Variants in CDON observed in about 807,000 individuals in gnomAD.
The protein encoded by CDON is cell adhesion molecule-related/down-regulated by oncogenes.
Under a neutral mutation model 120.9 loss-of-function variants are expected in CDON, and 73 were observed. That is an observed-to-expected ratio of 0.60 (90% CI 0.50 to 0.73). CDON has a LOEUF of 0.73. Ranked by LOEUF, CDON falls within the 30% of genes least tolerant of loss-of-function variation. The pLI, the probability that CDON is intolerant of heterozygous loss-of-function variation, is 0.00. For synonymous variants in CDON, 566 were observed against 573.5 expected (o/e 0.99, Z 0.19); for missense variants, 1,470 against 1,587.3 (o/e 0.93, Z 1.26).
chr11:126,007,858 C>T (rs7951246), intron 8 of CDON, among the ~76,000 whole-genome samples: 280 of 152,244 alleles, frequency 1.8e-3, no homozygotes, highest in African/African-American at 6.5e-3. Context: ...CCAGTACTTC[C>T]CCGGTGTTTT....
chr11:126,010,503 TTGATAACTG>T lies in CDON; in HGVS notation c.1381_1389del (p.Gln461_Ser463del), dbSNP rs1296263080. On this transcript the variant is annotated inframe_deletion, in exon 8 of 20. Transcript: ENST00000531738. The stretch of plus-strand genomic sequence containing the variant: ...GGCTCCAGGTTCAAGCCCTCAGGTC[TTGATAACTG>T]TGATTTTCGGGATTTCGATCTCAGG... 6.2e-7 allele frequency: 1 copy of T among 1,614,034 alleles called. No individual in the cohort carries two copies. The highest frequency in any genetic ancestry group is 1.3e-5 in the African/African-American group (1 of 74,922).
chr11:126,047,736 G>A (rs934332589), intron 1 of CDON, among the ~76,000 whole-genome samples: 5 of 152,154 alleles, frequency 3.3e-5, no homozygotes, highest in African/African-American at 7.2e-5. Flanking sequence ...ATATGGTGGA[G>A]CCTGGCTTTG....
intron 1 of CDON, among the ~76,000 whole-genome samples, chr11:126,035,258 A>T (rs1948064287): frequency 6.6e-6 from 1 of 152,228 alleles, no homozygotes; most frequent in Non-Finnish European, 1.5e-5. Flanking sequence ...TAAGAAAAAA[A>T]CAAATCTTGG....
chr11:125,999,418 T>C (rs530173773), intron 11 of CDON, among the ~76,000 whole-genome samples: 1 of 152,362 alleles, frequency 6.6e-6, no homozygotes, highest in African/African-American at 2.4e-5. Flanking sequence ...CTCCACTTTC[T>C]GGACGATCTG....
chr11:125,989,368 T>C (rs897857120), intron 15 of CDON, among the ~76,000 whole-genome samples: 11 of 152,148 alleles, frequency 7.2e-5, no homozygotes, highest in Admixed American at 3.3e-4. Context: ...AAACCCCATC[T>C]CTACTAAAAT....
intron 15 of CDON, 81 bp from the exon 16 acceptor site, chr11:125,984,174 G>A (rs1591565555): frequency 1.0e-6 from 1 of 973,058 alleles, no homozygotes; most frequent in Admixed American, 1.9e-5. Flanking sequence ...AGGAGGTCTG[G>A]TTAGGAATGC....
chr11:125,986,218 G>A (rs1272237816), intron 15 of CDON, among the ~76,000 whole-genome samples: 1 of 152,098 alleles, frequency 6.6e-6, no homozygotes, highest in Admixed American at 6.5e-5. Context: ...AACACTGCAT[G>A]TTCTCACTCA....
At chr11:125,996,072 T>G (rs546087528) in intron 12 of CDON, among the ~76,000 whole-genome samples, 1 of 151,924 alleles carries the variant, frequency 6.6e-6, no homozygotes, top group African/African-American at 2.4e-5. Context: ...CACTAAGCAC[T>G]GAGTATTACA....
intron 18 of CDON, among the ~76,000 whole-genome samples, chr11:125,971,105 G>A (rs983443586): frequency 3.9e-5 from 6 of 152,080 alleles, no homozygotes; most frequent in Admixed American, 6.5e-5. Flanking sequence ...GATAATTAAC[G>A]TTCTCCGGTG....
At chr11:125,995,203 A>G in intron 12 of CDON, 151 bp from the exon 13 acceptor site, 1 of 728,542 alleles carries the variant, frequency 1.4e-6, no homozygotes, top group South Asian at 1.6e-5. Context: ...TGTATGGTAA[A>G]TAGATTTCAA....
Position 126,023,396 on chromosome 11 carries a change from C to T in CDON, c.76+5G>A. On this transcript the variant is annotated splice_donor_5th_base_variant and intron_variant, in intron 2 of 19. Coordinates refer to ENST00000531738, the MANE Select transcript of CDON (RefSeq NM_001378964.1). Reference sequence around the variant, plus strand: ...AAACCACCCCCTCCCCAATTCTACTCTTACCTGAACTCACAGAAGAGCACA... The same window carrying T: ...AAACCACCCCCTCCCCAATTCTACTTTTACCTGAACTCACAGAAGAGCACA... 6.3e-7 allele frequency: 1 copy of T among 1,596,732 alleles called. No individual in the cohort carries two copies. The highest frequency in any genetic ancestry group is 1.1e-5 in the South Asian group (1 of 90,722).
intron 11 of CDON, 82 bp from the exon 12 acceptor site, chr11:125,997,492 A>G (rs1946823835): frequency 9.3e-7 from 1 of 1,072,434 alleles, no homozygotes; most frequent in Admixed American, 2.0e-5. Flanking sequence ...ATAAGTCCCA[A>G]ACTTCATGTT....
chr11:125,981,604 G>C (rs1335287974), intron 16 of CDON, among the ~76,000 whole-genome samples: 1 of 152,166 alleles, frequency 6.6e-6, no homozygotes, highest in East Asian at 1.9e-4. Flanking sequence ...ATTTTCCATA[G>C]AGTGTAGAGA....
chr11:125,997,330 C>T lies in CDON; in HGVS notation c.2239G>A (p.Gly747Arg), dbSNP rs745363657. 2.5e-5 allele frequency: 40 copies of T among 1,613,878 alleles called. No individual in the cohort carries two copies. In the East Asian group the frequency reaches 5.8e-4, roughly 23 times the overall value. ...TTGAAGGCAGTGATTGGAGAACCCC[C>T]GTTTGCCCGAGGAATCCAAGTGACA... ...VYVTWIPRAN[G>R]GSPITAFKVE... The change falls in exon 12 of 20, where the codon GGG becomes AGG. Residue 747 changes from glycine to arginine, a missense_variant. Gly to Arg is a moderately radical substitution (Grantham distance 125). Coordinates refer to ENST00000531738, the MANE Select transcript of CDON (RefSeq NM_001378964.1).
At chr11:126,051,538 A>C (rs1202744671) in intron 1 of CDON, among the ~76,000 whole-genome samples, 3 of 152,188 alleles carry the variant, frequency 2.0e-5, no homozygotes, top group Non-Finnish European at 4.4e-5. Flanking sequence ...TATTGATATG[A>C]AATCTCTGCA....
chr11:126,021,435 A>G lies in CDON; in HGVS notation c.162T>C (p.Pro54=). 6.2e-7 allele frequency: 1 copy of G among 1,614,124 alleles called. No individual in the cohort carries two copies. The highest frequency in any genetic ancestry group is 8.5e-7 in the Non-Finnish European group (1 of 1,179,974). Residue 54 remains proline (P), a synonymous_variant, in exon 3 of 20, where the codon CCT becomes CCC. Coordinates refer to ENST00000531738, the MANE Select transcript of CDON (RefSeq NM_001378964.1). ...GCAGCCATGAGATACGAGTGGTCAC[A>G]GGTTGAGCAGAACAATGCAGTACTA... The part of the protein sequence containing the change: ...GPVVLHCSAQ[P]VTTRISWLHN...
chr11:126,000,643 A>G (rs1029523715), intron 11 of CDON, among the ~76,000 whole-genome samples: 1 of 152,216 alleles, frequency 6.6e-6, no homozygotes, highest in African/African-American at 2.4e-5. Flanking sequence ...TTTTATTCAC[A>G]TGAAATTAAT....
In CDON at chr11:125,983,880, G is replaced by A. The variant is rs953365509; in HGVS notation, c.2987C>T (p.Thr996Ile). ...ATTTATGAGTGACTTACTTTGTATGGTATTCTGCTGGCGATTCTTCCACAG... is the reference window on the plus strand; with the variant it reads ...ATTTATGAGTGACTTACTTTGTATGATATTCTGCTGGCGATTCTTCCACAG... ...MCLWKNRQQN[T>I]IQKYDPPGYL... Residue 996 changes from threonine to isoleucine, a missense_variant, in exon 16 of 20, where the codon ACC becomes ATC. Physicochemically the swap from Thr to Ile is moderately conservative, Grantham distance 89. Coordinates refer to ENST00000531738, the MANE Select transcript of CDON (RefSeq NM_001378964.1). The A allele has an allele frequency of 1.9e-6, 3 of 1,611,578 alleles. No homozygotes were observed. The highest frequency in any genetic ancestry group is 2.5e-6 in the Non-Finnish European group (3 of 1,178,012).
intron 8 of CDON, among the ~76,000 whole-genome samples, chr11:126,008,911 A>T (rs1452392059): frequency 2.0e-5 from 3 of 152,232 alleles, no homozygotes; most frequent in African/African-American, 7.2e-5. Flanking sequence ...TAATAATTAG[A>T]CAGTAACAAT....
Sources: allele counts gnomAD v4.1 joint callset (sites outside exome capture counted in the v4.1 genomes callset), GRCh38; gene constraint gnomAD v4.1.1; transcripts MANE v1.5; gene names NCBI Gene and HGNC (gene_info 2026-07-23, HGNC 2026-07-21).